The following UVRAG variants were observed in gnomAD, a reference collection of about 807,000 sequenced individuals.
UVRAG encodes UV radiation resistance associated.
A neutral mutation model predicts 78.0 loss-of-function variants in UVRAG; 19 were observed. The ratio of observed to expected loss-of-function variants is 0.24; its 90% CI spans 0.17 to 0.36. The LOEUF (loss-of-function observed/expected upper bound fraction) is 0.36, where lower values mean the gene tolerates loss of function less well. UVRAG is among the 10% of genes least tolerant of loss of function. The pLI, the probability that UVRAG is intolerant of heterozygous loss-of-function variation, is 1.00. For missense variants in UVRAG, 740 were observed against 853.8 expected (o/e 0.87, Z 1.66); for synonymous variants, 323 against 324.6 (o/e 1.00, Z 0.05).
Position 75,978,556 on chromosome 11 carries a change from T to C in UVRAG, c.700-4831T>C, listed in dbSNP as rs1035093577. Among the ~76,000 whole-genome samples, 38 of 152,218 alleles carry C rather than the reference T, an allele frequency of 2.5e-4. 1 individual carries two copies. The highest frequency in any genetic ancestry group is 2.4e-3 in the Admixed American group (36 of 15,290). On this transcript the variant is annotated intron_variant, in intron 7 of 14. Coordinates refer to ENST00000356136, the MANE Select transcript of UVRAG (RefSeq NM_003369.4). ...ACATAGTCCCATATTTGTTGGAGGC[T>C]TTGTTCATTTCTTTTTACTCTTTTT... is the stretch of plus-strand genomic sequence containing the variant.
intron 6 of UVRAG, among the ~76,000 whole-genome samples, chr11:75,927,579 A>G (rs967807685): frequency 6.6e-6 from 1 of 152,210 alleles, no homozygotes; most frequent in African/African-American, 2.4e-5. Context: ...GCTAGTGGTA[A>G]GTTCTATGAA....
chr11:75,944,170 A>G (rs1948541182), intron 6 of UVRAG, among the ~76,000 whole-genome samples: 1 of 152,088 alleles, frequency 6.6e-6, no homozygotes, highest in Non-Finnish European at 1.5e-5. Flanking sequence ...GCTATTCCCA[A>G]TACCCTAAAC....
chr11:75,964,896 T>C (rs551314395), intron 7 of UVRAG, among the ~76,000 whole-genome samples: 4 of 152,372 alleles, frequency 2.6e-5, no homozygotes, highest in Admixed American at 2.6e-4. Flanking sequence ...GACATGTTTG[T>C]TCAAAATCAA....
chr11:75,905,761 T>C (rs940261505), intron 5 of UVRAG, among the ~76,000 whole-genome samples: 1 of 152,218 alleles, frequency 6.6e-6, no homozygotes, highest in East Asian at 1.9e-4. Context: ...ATAGTGCTGC[T>C]GTGAACATTT....
At chr11:75,962,157 G>C (rs1303737087) in intron 7 of UVRAG, among the ~76,000 whole-genome samples, 1 of 151,754 alleles carries the variant, frequency 6.6e-6, no homozygotes, top group Non-Finnish European at 1.5e-5. Context: ...TTTTTTAAAA[G>C]CCACTTGGGT....
intron 13 of UVRAG, among the ~76,000 whole-genome samples, chr11:76,107,624 G>C (rs550001745): frequency 2.1e-4 from 32 of 152,292 alleles, no homozygotes; most frequent in Non-Finnish European, 4.0e-4. Context: ...TGCAACCAGA[G>C]GCCCATAATC....
intron 12 of UVRAG, among the ~76,000 whole-genome samples, chr11:76,059,896 G>A (rs1383025283): frequency 3.9e-5 from 6 of 152,180 alleles, no homozygotes; most frequent in Non-Finnish European, 5.9e-5. Context: ...CTATAAATAC[G>A]AATGGCAGAA....
intron 8 of UVRAG, among the ~76,000 whole-genome samples, chr11:75,997,529 C>G (rs1949730387): frequency 6.6e-6 from 1 of 152,170 alleles, no homozygotes; most frequent in African/African-American, 2.4e-5. Context: ...GTAAACCAAG[C>G]TCCGGCATTT....
intron 10 of UVRAG, 71 bp from the exon 11 acceptor site, chr11:76,008,736 T>A: frequency 1.2e-6 from 1 of 866,852 alleles, no homozygotes; most frequent in Non-Finnish European, 1.8e-6. Flanking sequence ...AGCACCGACC[T>A]GCTGATCTGA....
At chr11:75,844,970 G>A (rs1422548423) in intron 1 of UVRAG, among the ~76,000 whole-genome samples, 1 of 152,148 alleles carries the variant, frequency 6.6e-6, no homozygotes, top group Non-Finnish European at 1.5e-5. Context: ...CCAGCCAGAT[G>A]TTTCAAATTT....
At chr11:76,112,971 C>T (rs1952106027) in intron 13 of UVRAG, among the ~76,000 whole-genome samples, 1 of 152,082 alleles carries the variant, frequency 6.6e-6, no homozygotes, top group South Asian at 2.1e-4. Context: ...CTCAGCTTCC[C>T]AAAGTGCTGG....
chr11:76,035,789 TA>T (rs1950521897), intron 12 of UVRAG, among the ~76,000 whole-genome samples: 1 of 152,222 alleles, frequency 6.6e-6, no homozygotes, highest in South Asian at 2.1e-4. Flanking sequence ...CATATATTTT[TA>T]TGAAACAGAC....
Position 76,141,009 on chromosome 11 carries a change from G to A in UVRAG, c.1696G>A (p.Glu566Lys). 1 of 1,614,186 alleles carries A rather than the reference G, an allele frequency of 6.2e-7. No individual in the cohort carries two copies. Among genetic ancestry groups the A allele is most frequent in the Non-Finnish European group, 8.5e-7 (1 of 1,180,040 alleles). The change falls in exon 15 of 15, where the codon GAG (glutamate) becomes AAG (lysine). Residue 566 changes from glutamate to lysine, a missense_variant. Coordinates refer to ENST00000356136, the MANE Select transcript of UVRAG (RefSeq NM_003369.4). ...CTCCAAAGAAAACAAGAAAAAAGGA[G>A]AGGATCTAGTTGGCAGCTTAAACGG... ...DFSKENKKKG[E>K]DLVGSLNGGH...
rs1016847324 is a variant in UVRAG, at chr11:76,098,200, G to A, written c.1306-17724G>A. 2.6e-5 allele frequency among the ~76,000 whole-genome samples: 4 copies of A among 152,210 alleles called. No homozygotes were observed. In the South Asian group the frequency reaches 8.3e-4, roughly 32 times the overall value. On this transcript the variant is annotated intron_variant, in intron 13 of 14. Transcript: ENST00000356136. ...AAATTAAGTAGAAAAATAAGGTATA[G>A]CATTAATGGTTTAGTTTAAGAAACA...
chr11:75,980,337 T>A (rs1197592649), intron 7 of UVRAG, among the ~76,000 whole-genome samples: 1 of 152,082 alleles, frequency 6.6e-6, no homozygotes, highest in Non-Finnish European at 1.5e-5. Context: ...AATTTTGTTA[T>A]TTTTTATTTT....
intron 5 of UVRAG, among the ~76,000 whole-genome samples, chr11:75,896,385 A>G (rs1205077502): frequency 6.6e-6 from 1 of 152,184 alleles, no homozygotes; most frequent in African/African-American, 2.4e-5. Flanking sequence ...AGGTAAGATT[A>G]TCTTTGCCTT....
At chr11:75,864,899 G>A (rs568411019) in intron 3 of UVRAG, among the ~76,000 whole-genome samples, 2 of 152,294 alleles carry the variant, frequency 1.3e-5, no homozygotes, top group South Asian at 2.1e-4. Flanking sequence ...GATACAGAAT[G>A]TTGTTCCTTG....
rs1795881472 is a variant in UVRAG at position 75,987,426 on chromosome 11, AGATT to A, written c.826+3915_826+3918del. ...TTATTAACTAGTTCTAATAATTGTT[AGATT>A]GTTTTGAATTTTCTGTTTTTACAGT... On this transcript the variant is annotated intron_variant, in intron 8 of 14. Transcript: ENST00000356136. 2.0e-5 allele frequency among the ~76,000 whole-genome samples: 3 copies of A among 152,282 alleles called. No individual in the cohort carries two copies. The South Asian group carries it at 6.2e-4, about 32-fold the overall frequency.
At chr11:76,080,783 T>C (rs138464314) in intron 13 of UVRAG, among the ~76,000 whole-genome samples, 104 of 152,310 alleles carry the variant, frequency 6.8e-4, no homozygotes, top group African/African-American at 2.5e-3. Context: ...ATCAGTGTTA[T>C]TTTTTCATAC....
Sources: gnomAD v4.1 joint callset for allele counts (sites outside exome capture counted in the v4.1 genomes callset) on GRCh38, gnomAD v4.1.1 for gene constraint, MANE v1.5 for transcripts, NCBI Gene and HGNC (gene_info 2026-07-23, HGNC 2026-07-21) for gene names.